ICE1: variants seen among roughly 807,000 people sequenced by gnomAD.
The protein encoded by ICE1 is interactor of little elongation complex ELL subunit 1, also known as little elongation complex subunit 1.
In ICE1, 64 loss-of-function variants were observed where a neutral mutation model predicts 192.7. That is an observed-to-expected ratio of 0.33 (90% CI 0.27 to 0.41). The LOEUF (loss-of-function observed/expected upper bound fraction) is 0.41. Among genes scored for constraint, ICE1 ranks in the 10% least tolerant of loss-of-function variants. The pLI is 1.00. For synonymous variants in ICE1, 1,010 were observed against 984.5 expected, an observed-to-expected ratio of 1.03 and a Z score of -0.49; for missense variants, 2,708 against 2,696.0, an observed-to-expected ratio of 1.00 and a Z score of -0.10.
rs1463777036 is a variant in ICE1 at position 5,464,486 on chromosome 5, G to A, written c.5152G>A (p.Ala1718Thr). ...AGTGCCGTCTCCTCTGCAGTTCTGT[G>A]CGGCCACGCCGAAGCACGCACTTCC... is the stretch of plus-strand genomic sequence containing the variant. ...RVVPSPLQFC[A>T]ATPKHALPVP... The change falls in exon 13 of 19, where the codon GCG (alanine) becomes ACG (threonine). Residue 1718 changes from alanine (A) to threonine (T), a missense_variant. Ala to Thr is a moderately conservative substitution (Grantham distance 58). This residue lies in a region of ICE1 where 2,366 missense variants were observed against 2,276.6 expected (regional missense o/e 1.04). Coordinates refer to ENST00000296564, the MANE Select transcript of ICE1 (RefSeq NM_015325.3). This position sits in a 1 kb window ranked among gnomAD's most constrained non-coding sequence, Gnocchi z 4.0. 1.9e-6 allele frequency: 3 copies of A among 1,613,900 alleles called. No homozygotes were observed. The highest frequency in any genetic ancestry group is 2.5e-6 in the Non-Finnish European group (3 of 1,179,888).
At chr5:5,481,579 G>C (rs1231786320) in intron 17 of ICE1, among the ~76,000 whole-genome samples, 10 of 152,168 alleles carry the variant, frequency 6.6e-5, no homozygotes, top group Admixed American at 2.0e-4. Context: ...CCAAGGTTCT[G>C]ATAGTGTTAG....
chr5:5,479,190 A>C (rs1275417843), intron 17 of ICE1, among the ~76,000 whole-genome samples: 4 of 152,200 alleles, frequency 2.6e-5, no homozygotes, highest in African/African-American at 9.7e-5. Context: ...ATTTTTTGCA[A>C]TCTATCCATC....
intron 11 of ICE1, among the ~76,000 whole-genome samples, chr5:5,455,533 G>A (rs1579557719): frequency 6.6e-6 from 1 of 152,126 alleles, no homozygotes; most frequent in African/African-American, 2.4e-5. Context: ...TTGATTTTAT[G>A]TTGTCAAGCT....
At position 5,461,732 on chromosome 5, in the gene ICE1, G is replaced by C; in HGVS notation, c.2398G>C (p.Gly800Arg). The C allele has an allele frequency of 6.2e-7, 1 of 1,613,722 alleles. No homozygotes were observed. The highest frequency in any genetic ancestry group is 8.5e-7 in the Non-Finnish European group (1 of 1,179,766). Residue 800 changes from glycine (G) to arginine (R), a missense_variant, in exon 13 of 19, where the codon GGT becomes CGT. Gly to Arg is a moderately radical substitution (Grantham distance 125). Coordinates refer to ENST00000296564, the MANE Select transcript of ICE1 (RefSeq NM_015325.3). Reference sequence around the variant, plus strand: ...GCACCATAGTGATTTATTAAGGAAAGGTGGCGAAGAAAGTCTGAGAGCCAA... The same window carrying C: ...GCACCATAGTGATTTATTAAGGAAACGTGGCGAAGAAAGTCTGAGAGCCAA... ...SWHHSDLLRK[G>R]GEESLRAKSE...
chr5:5,467,547 CTTT>C (rs1739023478), intron 14 of ICE1, among the ~76,000 whole-genome samples: 1 of 152,146 alleles, frequency 6.6e-6, no homozygotes, highest in Non-Finnish European at 1.5e-5. Context: ...CCTTATTTTT[CTTT>C]ATTTGCCTTC....
chr5:5,460,799 A>G lies in ICE1; in HGVS notation c.1465A>G (p.Arg489Gly), dbSNP rs1324814463. 2 of 1,613,930 alleles carry G rather than the reference A, an allele frequency of 1.2e-6. No individual in the cohort carries two copies. Among genetic ancestry groups the G allele is most frequent in the African/African-American group, 1.3e-5 (1 of 74,944 alleles). The change falls in exon 13 of 19, where the codon AGG becomes GGG. Residue 489 changes from arginine to glycine, a missense_variant. Transcript: ENST00000296564. ...LHETKTQMEV[R>G]EMDKSVQTEK... The stretch of plus-strand genomic sequence containing the variant: ...TGAGACAAAAACACAAATGGAGGTT[A>G]GGGAGATGGATAAGTCAGTACAAAC...
intron 15 of ICE1, 47 bp from the exon 16 acceptor site, chr5:5,473,511 T>C: frequency 6.6e-7 from 1 of 1,513,916 alleles, no homozygotes; most frequent in Non-Finnish European, 9.0e-7. Flanking sequence ...GTAAGATGCA[T>C]TCTATTTGAA....
chr5:5,443,866 A>G (rs540239034), intron 6 of ICE1, among the ~76,000 whole-genome samples: 5 of 152,366 alleles, frequency 3.3e-5, no homozygotes, highest in African/African-American at 9.6e-5. Context: ...TCTTAAAGCA[A>G]GTGTAGCTCT....
intron 7 of ICE1, among the ~76,000 whole-genome samples, chr5:5,446,709 T>A (rs932764216): frequency 1.3e-5 from 2 of 152,118 alleles, no homozygotes; most frequent in Non-Finnish European, 2.9e-5. Context: ...GTAAAAAAAA[T>A]TTATCGGTGT....
At chr5:5,439,675 AT>A (rs1480281660) in intron 3 of ICE1, among the ~76,000 whole-genome samples, 2 of 152,200 alleles carry the variant, frequency 1.3e-5, no homozygotes, top group African/African-American at 4.8e-5. Flanking sequence ...AGAAACAGAT[AT>A]TTTGACTTGG....
chr5:5,472,268 TAATA>T (rs1287272515), intron 15 of ICE1, among the ~76,000 whole-genome samples: 12 of 152,196 alleles, frequency 7.9e-5, no homozygotes, highest in Admixed American at 7.2e-4. Flanking sequence ...ACATGAGTTG[TAATA>T]AATATTCAAT....
intron 16 of ICE1, among the ~76,000 whole-genome samples, chr5:5,473,968 T>C (rs1739238723): frequency 3.3e-5 from 5 of 152,128 alleles, no homozygotes; most frequent in Admixed American, 3.3e-4. Flanking sequence ...CCCAGCACTT[T>C]GGGAGGCCGA....
At chr5:5,451,232 G>A (rs1261912926) in intron 10 of ICE1, among the ~76,000 whole-genome samples, 1 of 152,086 alleles carries the variant, frequency 6.6e-6, no homozygotes, top group East Asian at 1.9e-4. Flanking sequence ...TAAACAGTAG[G>A]GCAATATTTA....
chr5:5,489,080 G>A, intron 18 of ICE1, 69 bp from the exon 19 acceptor site: 1 of 1,322,810 alleles, frequency 7.6e-7, no homozygotes, highest in South Asian at 1.3e-5. Flanking sequence ...ATTCCAGTAG[G>A]TTACATCACT....
intron 1 of ICE1, among the ~76,000 whole-genome samples, chr5:5,428,759 CAA>C (rs1737608237): frequency 6.6e-6 from 1 of 152,062 alleles, no homozygotes; most frequent in Non-Finnish European, 1.5e-5. Flanking sequence ...CTTTCTTACT[CAA>C]AGTCATGTCA....
intron 14 of ICE1, among the ~76,000 whole-genome samples, chr5:5,467,945 A>T (rs1220967481): frequency 6.6e-6 from 1 of 152,220 alleles, no homozygotes; most frequent in Non-Finnish European, 1.5e-5. Flanking sequence ...AGATCATGAC[A>T]TCATTACATA....
chr5:5,447,609 C>T (rs1170465335), intron 8 of ICE1, 100 bp downstream of exon 8: 1 of 1,362,028 alleles, frequency 7.3e-7, no homozygotes, highest in Non-Finnish European at 1.0e-6. Context: ...ACATGAGGCC[C>T]CCTGGCAAAA....
In ICE1 at chr5:5,422,681, T is replaced by G. The variant is rs1418769613; in HGVS notation, c.-235T>G. 9.3e-6 allele frequency: 3 copies of G among 321,566 alleles called. No individual in the cohort carries two copies. The highest frequency in any genetic ancestry group is 2.2e-5 in the African/African-American group (1 of 46,134). The allele number at this position is 321,566 out of a possible 1,614,324, so 19.9% of individuals were successfully genotyped here. On this transcript the variant is annotated 5_prime_UTR_variant, in exon 1 of 19. Transcript: ENST00000296564. ...GGGCGGGGCGGGGCCCTGACTGGAC[T>G]GCGTCGCGCTCGGGGGCCGCGCCGG...
At chr5:5,487,241 G>A (rs1739661424) in intron 18 of ICE1, among the ~76,000 whole-genome samples, 1 of 152,190 alleles carries the variant, frequency 6.6e-6, no homozygotes, top group Non-Finnish European at 1.5e-5. Context: ...GCATCAAGGG[G>A]GGAGAGCTTG....
Sources: allele counts gnomAD v4.1 joint callset (sites outside exome capture counted in the v4.1 genomes callset), GRCh38; gene constraint gnomAD v4.1.1; regional missense constraint gnomAD v4.1.1; non-coding constraint Gnocchi (gnomAD v3.1); transcripts MANE v1.5; gene names NCBI Gene and HGNC (gene_info 2026-07-23, HGNC 2026-07-21).